SOS1: variants seen among roughly 807,000 people sequenced by gnomAD.
SOS1 encodes the protein SOS Ras/Rac guanine nucleotide exchange factor 1, also known as son of sevenless homolog 1.
Under a neutral mutation model 157.6 loss-of-function variants are expected in SOS1, and 25 were observed. That is an observed-to-expected ratio of 0.16 (90% CI 0.12 to 0.22). SOS1 has a LOEUF of 0.22. Among genes scored for constraint, SOS1 ranks in the 10% least tolerant of loss-of-function variants. The pLI is 1.00. For synonymous variants in SOS1, 528 were observed against 534.0 expected, an observed-to-expected ratio of 0.99 and a Z score of 0.16; for missense variants, 1,237 against 1,599.1, an observed-to-expected ratio of 0.77 and a Z score of 3.86.
chr2:39,090,589 G>C (rs547783152), intron 1 of SOS1, among the ~76,000 whole-genome samples: 3 of 152,160 alleles, frequency 2.0e-5, no homozygotes, highest in Admixed American at 1.3e-4. Flanking sequence ...CCAGCTACTA[G>C]ACAGGCTGAG....
intron 1 of SOS1, among the ~76,000 whole-genome samples, chr2:39,119,117 G>C (rs530792407): frequency 2.0e-5 from 3 of 152,294 alleles, no homozygotes; most frequent in Non-Finnish European, 2.9e-5. Context: ...AGTCAAACTT[G>C]CAAGTAAAGC....
intron 1 of SOS1, among the ~76,000 whole-genome samples, chr2:39,096,709 C>T (rs1002110551): frequency 4.6e-5 from 7 of 152,056 alleles, no homozygotes; most frequent in Admixed American, 4.6e-4. Flanking sequence ...CATGGTGAAA[C>T]CCCGTCTCTA....
At chr2:39,089,610 CA>C (rs1358933254) in intron 1 of SOS1, among the ~76,000 whole-genome samples, 2 of 150,674 alleles carry the variant, frequency 1.3e-5, no homozygotes, top group African/African-American at 4.9e-5. Context: ...ACAATTTACA[CA>C]ACAAAATAAG....
At chr2:39,017,528 T>C (rs1669667504) in intron 10 of SOS1, among the ~76,000 whole-genome samples, 1 of 151,988 alleles carries the variant, frequency 6.6e-6, no homozygotes, top group Non-Finnish European at 1.5e-5. Flanking sequence ...ACTCCCATAA[T>C]CATGACTGTT....
intron 8 of SOS1, 101 bp downstream of exon 8, chr2:39,035,111 A>G: frequency 8.0e-6 from 6 of 747,176 alleles, no homozygotes; most frequent in Admixed American, 2.3e-5. Context: ...ACAGAAACAC[A>G]CTAATGTGCA....
Position 39,120,518 on chromosome 2 carries a change from G to C in SOS1, c.-96C>G, listed in dbSNP as rs1386471931. ...AGCTCGCAGCGCGGAACAGGGCCGC[G>C]GCCCCACCGGACGGCCCGGCCCCCT... On this transcript the variant is annotated 5_prime_UTR_variant, in exon 1 of 23. Transcript: ENST00000402219. 8.6e-7 allele frequency: 1 copy of C among 1,168,798 alleles called. No homozygotes were observed. The highest frequency in any genetic ancestry group is 1.6e-5 in the African/African-American group (1 of 61,400). The allele number at this position is 1,168,798 out of a possible 1,614,324, so 72.4% of individuals were successfully genotyped here. A position where few individuals can be genotyped will look rare whatever the true frequency, so the allele number is the denominator to read the frequency against.
chr2:39,042,088 C>T (rs958268634), intron 6 of SOS1, among the ~76,000 whole-genome samples: 2 of 152,062 alleles, frequency 1.3e-5, no homozygotes, highest in African/African-American at 4.8e-5. Context: ...GTTACCTGCA[C>T]CAGTACTACA....
At chr2:38,987,181 A>G (rs758723596) in intron 22 of SOS1, among the ~76,000 whole-genome samples, 1 of 152,176 alleles carries the variant, frequency 6.6e-6, no homozygotes, top group African/African-American at 2.4e-5. Flanking sequence ...GTATGCTTTT[A>G]AAGAACTGCT....
rs1282951018 is a variant in SOS1, at chr2:39,022,550, GGCAACT to G, written c.1858+14_1858+19del. 1.3e-6 allele frequency: 2 copies of G among 1,597,362 alleles called. No homozygotes were observed. Among genetic ancestry groups the G allele is most frequent in the South Asian group, 2.2e-5 (2 of 90,634 alleles). The stretch of plus-strand genomic sequence containing the variant: ...TTGAAGCAGGAAAACAAAAGTGACA[GGCAACT>G]GCATAATTCTTACCTGCGTACATAT... On this transcript the variant is annotated intron_variant, in intron 10 of 22. Coordinates refer to ENST00000402219, the MANE Select transcript of SOS1 (RefSeq NM_005633.4).
In SOS1 at chr2:39,106,077, G is replaced by A. The variant is rs554833776; in HGVS notation, c.87+14259C>T. ...AACAAAAAATACAAAAAAATTAGCC[G>A]CGCATGGTGGTACGTGCCTGTGGTC... On this transcript the variant is annotated intron_variant, in intron 1 of 22. Coordinates refer to ENST00000402219, the MANE Select transcript of SOS1 (RefSeq NM_005633.4). Among the ~76,000 whole-genome samples the A allele has an allele frequency of 4.5e-4, 68 of 151,882 alleles. 1 individual carries two copies. The South Asian group carries it at 0.011, about 24-fold the overall frequency.
At chr2:39,043,259 A>C (rs1428233606) in intron 6 of SOS1, among the ~76,000 whole-genome samples, 2 of 152,240 alleles carry the variant, frequency 1.3e-5, no homozygotes, top group African/African-American at 2.4e-5. Context: ...CTAAAGTAGA[A>C]TACTACATTA....
chr2:39,086,906 C>G (rs981431980), intron 1 of SOS1, among the ~76,000 whole-genome samples: 1 of 152,018 alleles, frequency 6.6e-6, no homozygotes, highest in Non-Finnish European at 1.5e-5. Context: ...TCTGCCTCCC[C>G]GGTTTAAGCA....
rs748136708 is a variant in SOS1 at position 38,982,533 on chromosome 2, G to T, written c.*3291C>A. 6.6e-6 allele frequency: 1 copy of T among 152,046 alleles called. No homozygotes were observed. Among genetic ancestry groups the T allele is most frequent in the Non-Finnish European group, 1.5e-5 (1 of 67,988 alleles). The allele number at this position is 152,046 out of a possible 1,614,324, so 9.4% of individuals were successfully genotyped here. The stretch of plus-strand genomic sequence containing the variant: ...GCAATACAACAGGACCTATACTTGC[G>T]TAGTCACACAATATATGTTAAAAGA... On this transcript the variant is annotated 3_prime_UTR_variant, in exon 23 of 23. Transcript: ENST00000402219.
chr2:38,995,180 T>C lies in SOS1; in HGVS notation c.3289A>G (p.Ser1097Gly). The C allele has an allele frequency of 6.2e-7, 1 of 1,614,044 alleles. No individual in the cohort carries two copies. Among genetic ancestry groups the C allele is most frequent in the Non-Finnish European group, 8.5e-7 (1 of 1,179,920 alleles). The change falls in exon 20 of 23, where the codon AGT becomes GGT. Residue 1097 changes from serine to glycine, a missense_variant. Coordinates refer to ENST00000402219, the MANE Select transcript of SOS1 (RefSeq NM_005633.4). ...AATACACTGCAAACATCTGTGGTAC[T>C]GGAAGCACCAGAAGCAGGCGGAGGT... is the stretch of plus-strand genomic sequence containing the variant. ...LTPPPASGASSTTDVCSVFDS... is the reference protein window; with the variant it reads ...LTPPPASGASGTTDVCSVFDS...
At chr2:39,072,863 C>A (rs1671834881) in intron 1 of SOS1, among the ~76,000 whole-genome samples, 1 of 152,064 alleles carries the variant, frequency 6.6e-6, no homozygotes, top group Non-Finnish European at 1.5e-5. Context: ...TGTTTTACCC[C>A]CTTAAAAACA....
intron 1 of SOS1, among the ~76,000 whole-genome samples, chr2:39,103,988 A>C (rs938323544): frequency 1.3e-5 from 2 of 152,222 alleles, no homozygotes; most frequent in Non-Finnish European, 2.9e-5. Context: ...AAATTAAAAA[A>C]TGGGCAATGG....
At chr2:39,004,319 T>A (rs977576780) in intron 17 of SOS1, among the ~76,000 whole-genome samples, 3 of 144,698 alleles carry the variant, frequency 2.1e-5, no homozygotes, top group African/African-American at 7.8e-5. Context: ...CTTGGGAGGC[T>A]GAGGCAGGAG....
rs555324026 is a variant in SOS1 at position 39,096,039 on chromosome 2, T to A, written c.87+24297A>T. On this transcript the variant is annotated intron_variant, in intron 1 of 22. Transcript: ENST00000402219. ...AAAGAAACAACACAGATCATCTAAT[T>A]TAGAAAAACAAACCTTGATTGACTA... is the stretch of plus-strand genomic sequence containing the variant. Among the ~76,000 whole-genome samples the A allele has an allele frequency of 1.4e-4, 21 of 152,284 alleles. No homozygotes were observed. In the South Asian group the frequency reaches 3.3e-3, roughly 24 times the overall value.
chr2:39,092,630 C>T (rs1672635413), intron 1 of SOS1, among the ~76,000 whole-genome samples: 1 of 152,148 alleles, frequency 6.6e-6, no homozygotes, highest in South Asian at 2.1e-4. Flanking sequence ...CCGATTTCTC[C>T]TGGTATCTAG....
Sources: gnomAD v4.1 joint callset for allele counts (sites outside exome capture counted in the v4.1 genomes callset) on GRCh38, gnomAD v4.1.1 for gene constraint, MANE v1.5 for transcripts, NCBI Gene and HGNC (gene_info 2026-07-23, HGNC 2026-07-21) for gene names.